The following VWA5B1 variants were observed in gnomAD, a reference collection of about 807,000 sequenced individuals.
VWA5B1 encodes von Willebrand factor A domain-containing protein 5B1.
A neutral mutation model predicts 118.2 loss-of-function variants in VWA5B1; 115 were observed. The ratio of observed to expected loss-of-function variants is 0.97; its 90% CI spans 0.84 to 1.14. The LOEUF (loss-of-function observed/expected upper bound fraction) is 1.14. Ranked by LOEUF, VWA5B1 falls within the 50% of genes most tolerant of loss-of-function variation. The pLI is 0.00. For missense variants in VWA5B1, 1,596 were observed against 1,603.8 expected (o/e 1.00, Z 0.08); for synonymous variants, 682 against 658.4 (o/e 1.04, Z -0.55).
In VWA5B1 at chr1:20,350,247, C is replaced by T. The variant is rs1039121488; in HGVS notation, c.2953+17C>T. 7.1e-6 allele frequency: 11 copies of T among 1,550,468 alleles called. No homozygotes were observed. Among genetic ancestry groups the T allele is most frequent in the African/African-American group, 6.8e-5 (5 of 73,022 alleles). ...CTTCTGAAGGTGAGTGGGCAGGTGGCGCTGCCTCTTCATCAAGATGGTGAC... is the reference window on the plus strand; with the variant it reads ...CTTCTGAAGGTGAGTGGGCAGGTGGTGCTGCCTCTTCATCAAGATGGTGAC... On this transcript the variant is annotated intron_variant, in intron 19 of 21. Transcript: ENST00000289815.
rs2101024190 is a variant in VWA5B1, at chr1:20,351,935, A to C, written c.3024-120A>C. On this transcript the variant is annotated intron_variant, in intron 20 of 21. Transcript: ENST00000289815. ...TTTCCAGGCTTCTGCTTCCTTAGCT[A>C]TCAGATAAGGAGGCTGGAGGGAGCC... 5 of 665,332 alleles carry C rather than the reference A, an allele frequency of 7.5e-6. No homozygotes were observed. In the East Asian group the frequency reaches 1.2e-4, roughly 16 times the overall value. The allele number at this position is 665,332 out of a possible 1,614,324, so 41.2% of individuals were successfully genotyped here. A position where few individuals can be genotyped will look rare whatever the true frequency, so the allele number is the denominator to read the frequency against.
At position 20,327,945 on chromosome 1, in the gene VWA5B1, T is replaced by C. The variant is rs1488636113; in HGVS notation, c.1199T>C (p.Ile400Thr). ...SLMPACLFNI[I>T]GFGSTFKSLF... ...ATGCCAGCCTGCCTCTTCAATATCA[T>C]TGGGTTTGGATCCACATTTAAGAGC... is the stretch of plus-strand genomic sequence containing the variant. The change falls in exon 9 of 22, where the codon ATT becomes ACT. Residue 400 changes from isoleucine to threonine, a missense_variant. Ile to Thr is a moderately conservative substitution (Grantham distance 89, BLOSUM62 -1). Transcript: ENST00000289815. The C allele has an allele frequency of 1.5e-5, 24 of 1,551,528 alleles. No homozygotes were observed. The highest frequency in any genetic ancestry group is 1.7e-4 in the Middle Eastern group (1 of 6,012).
chr1:20,324,473 C>A (rs1297156512), intron 8 of VWA5B1, among the ~76,000 whole-genome samples: 1 of 152,162 alleles, frequency 6.6e-6, no homozygotes, highest in African/African-American at 2.4e-5. Context: ...GAGTTATGAA[C>A]TCATTTAGGA....
At chr1:20,318,458 C>T (rs1431489715) in intron 5 of VWA5B1, 132 bp from the exon 6 acceptor site, 1 of 1,314,604 alleles carries the variant, frequency 7.6e-7, no homozygotes, top group Non-Finnish European at 1.1e-6. Context: ...CATGGTCACA[C>T]TGCAGGTCAG....
Position 20,318,402 on chromosome 1 carries a change from T to C in VWA5B1, c.710-188T>C, listed in dbSNP as rs1169669720. ...GCAGGAAGAGTCATCAGACACCATC[T>C]ATCTAAGCTTTCATTTTACAGGTGG... On this transcript the variant is annotated intron_variant, in intron 5 of 21. Coordinates refer to ENST00000289815, the MANE Select transcript of VWA5B1 (RefSeq NM_001039500.3). 6.5e-6 allele frequency: 5 copies of C among 765,262 alleles called. No individual in the cohort carries two copies. The African/African-American group carries it at 6.9e-5, about 11-fold the overall frequency. The allele number at this position is 765,262 out of a possible 1,614,324, so 47.4% of individuals were successfully genotyped here.
Position 20,317,659 on chromosome 1 carries a change from G to T in VWA5B1, c.693G>T (p.Gly231=), listed in dbSNP as rs2089061530. The T allele has an allele frequency of 1.3e-6, 2 of 1,551,470 alleles. No homozygotes were observed. The highest frequency in any genetic ancestry group is 2.0e-5 in the Admixed American group (1 of 50,950). Residue 231 remains glycine (G), a synonymous_variant, in exon 5 of 22, where the codon GGG becomes GGT. Coordinates refer to ENST00000289815, the MANE Select transcript of VWA5B1 (RefSeq NM_001039500.3). ...YEFNFQLEIR[G]PCLLAGVESP... ...TCAACTTCCAGCTGGAGATCCGTGG[G>T]CCATGTCTGCTCGCAGGTGAGAGGG...
Position 20,312,837 on chromosome 1 carries a change from C to T in VWA5B1, c.141C>T (p.Gly47=), listed in dbSNP as rs967477158. The T allele has an allele frequency of 1.4e-5, 22 of 1,548,504 alleles. No individual in the cohort carries two copies. In the Admixed American group the frequency reaches 1.6e-4, roughly 11 times the overall value. Residue 47 remains glycine (G), a splice_region_variant and synonymous_variant, in exon 3 of 22, where the codon GGC becomes GGT. Transcript: ENST00000289815. ...TGATGCTGGGCCCTGCTCCGACAGG[C>T]CTCTTCGTGTACCCCCTGGATGAGT... The part of the protein sequence containing the change: ...YGNLEAQPFQ[G]LFVYPLDECT...
intron 1 of VWA5B1, among the ~76,000 whole-genome samples, chr1:20,304,306 A>C (rs1431582554): frequency 6.6e-6 from 1 of 152,188 alleles, no homozygotes; most frequent in Admixed American, 6.5e-5. Flanking sequence ...AGGTGGATCT[A>C]AGCCTTGAAA....
chr1:20,323,423 G>A lies in VWA5B1; in HGVS notation c.1034G>A (p.Cys345Tyr). ...CACTCCGTCATCATGCTCAACTTCT[G>A]TCCCGACCTCCAGTCAGTCCAGCCG... ...PHHSVIMLNF[C>Y]PDLQSVQPCL... Residue 345 changes from cysteine to tyrosine, a missense_variant, in exon 8 of 22, where the codon TGT becomes TAT. By Grantham distance (194) the Cys-to-Tyr change is radical. Transcript: ENST00000289815. 6.5e-7 allele frequency: 1 copy of A among 1,534,922 alleles called. No homozygotes were observed. Among genetic ancestry groups the A allele is most frequent in the South Asian group, 1.2e-5 (1 of 81,008 alleles).
chr1:20,327,279 G>C (rs1033708157), intron 8 of VWA5B1, among the ~76,000 whole-genome samples: 4 of 152,164 alleles, frequency 2.6e-5, no homozygotes, highest in Non-Finnish European at 5.9e-5. Context: ...GGGGATAAAA[G>C]CGTACCTGCC....
At chr1:20,314,081 G>A (rs564202835) in intron 3 of VWA5B1, among the ~76,000 whole-genome samples, 52 of 152,302 alleles carry the variant, frequency 3.4e-4, no homozygotes, top group African/African-American at 1.2e-3. Context: ...TCTGTTGGGG[G>A]TTTTGTGAGT....
chr1:20,313,608 G>A (rs1174600324), intron 3 of VWA5B1, among the ~76,000 whole-genome samples: 2 of 152,284 alleles, frequency 1.3e-5, no homozygotes, highest in Non-Finnish European at 2.9e-5. Flanking sequence ...GTTAGTGGAA[G>A]AGCCAGGGCT....
At chr1:20,294,725 G>A (rs2088372646) in intron 1 of VWA5B1, among the ~76,000 whole-genome samples, 1 of 151,720 alleles carries the variant, frequency 6.6e-6, no homozygotes, top group South Asian at 2.1e-4. Flanking sequence ...AAGTAGCTGA[G>A]ATTACAGGCA....
At chr1:20,306,321 C>A (rs1286451210) in intron 1 of VWA5B1, among the ~76,000 whole-genome samples, 1 of 151,316 alleles carries the variant, frequency 6.6e-6, no homozygotes, top group Non-Finnish European at 1.5e-5. Flanking sequence ...GGGAAACCAG[C>A]GGGGGCTCAG....
In VWA5B1 at chr1:20,337,580, G is replaced by A. The variant is rs925047357; in HGVS notation, c.1943-66G>A. The A allele has an allele frequency of 1.3e-5, 19 of 1,468,282 alleles. No individual in the cohort carries two copies. The African/African-American group carries it at 2.1e-4, about 16-fold the overall frequency. The allele number at this position is 1,468,282 out of a possible 1,614,324, so 91.0% of individuals were successfully genotyped here. ...GTGAGACACTTCCAAACAGGAAAGG[G>A]GATGCAAGCCCCACTCTTTCCCTGC... On this transcript the variant is annotated intron_variant, in intron 13 of 21. Transcript: ENST00000289815.
Position 20,327,968 on chromosome 1 carries a change from A to G in VWA5B1, c.1222A>G (p.Ser408Gly), listed in dbSNP as rs1192209896. 10 of 1,551,314 alleles carry G rather than the reference A, an allele frequency of 6.4e-6. No individual in the cohort carries two copies. Among genetic ancestry groups the G allele is most frequent in the Admixed American group, 2.0e-5 (1 of 50,954 alleles). The part of the protein sequence containing the change: ...NIIGFGSTFK[S>G]LFPSSQTYSE... ...CATTGGGTTTGGATCCACATTTAAG[A>G]GCCTTTTTCCTTCCAGCCAGACCTA... The change falls in exon 9 of 22, where the codon AGC (serine) becomes GGC (glycine). Residue 408 changes from serine (S) to glycine (G), a missense_variant. Physicochemically the swap from Ser to Gly is moderately conservative, Grantham distance 56. Coordinates refer to ENST00000289815, the MANE Select transcript of VWA5B1 (RefSeq NM_001039500.3).
At chr1:20,331,177 C>T (rs2089543380) in intron 11 of VWA5B1, among the ~76,000 whole-genome samples, 194 bp downstream of exon 11, 1 of 152,170 alleles carries the variant, frequency 6.6e-6, no homozygotes, top group African/African-American at 2.4e-5. Context: ...TGCCAGGACG[C>T]TAGATCCCCT....
intron 9 of VWA5B1, among the ~76,000 whole-genome samples, chr1:20,329,233 C>T (rs1317732991): frequency 7.2e-6 from 1 of 139,846 alleles, no homozygotes; most frequent in Non-Finnish European, 1.5e-5. Flanking sequence ...ACACATACAT[C>T]TTAAGACTTT....
intron 1 of VWA5B1, among the ~76,000 whole-genome samples, chr1:20,298,889 C>T (rs1401883825): frequency 5.3e-5 from 8 of 152,096 alleles, no homozygotes; most frequent in Admixed American, 2.6e-4. Context: ...TGTGGGATAC[C>T]GTTACCATGG....
Sources: allele counts gnomAD v4.1 joint callset (sites outside exome capture counted in the v4.1 genomes callset), GRCh38; gene constraint gnomAD v4.1.1; transcripts MANE v1.5; gene names NCBI Gene and HGNC (gene_info 2026-07-23, HGNC 2026-07-21).